The following DNAH9 variants were observed in gnomAD, a reference collection of about 807,000 sequenced individuals.
The protein encoded by DNAH9 is DNAH9 variant protein.
Under a neutral mutation model 471.6 loss-of-function variants are expected in DNAH9, and 345 were observed. The ratio of observed to expected loss-of-function variants is 0.73; its 90% confidence interval spans 0.67 to 0.80. The LOEUF is 0.80. DNAH9 is among the 30% of genes least tolerant of loss of function. The pLI is 0.00. For missense variants in DNAH9, 5,407 were observed against 5,609.2 expected, an observed-to-expected ratio of 0.96 and a Z score of 1.15; for synonymous variants, 2,093 against 2,123.6, an observed-to-expected ratio of 0.99 and a Z score of 0.40.
rs73980516 is a variant in DNAH9, at chr17:11,850,236, A to G, written c.9508-3767A>G. Among the ~76,000 whole-genome samples the G allele has an allele frequency of 6.0e-4, 92 of 152,276 alleles. 2 individuals carry two copies. Among genetic ancestry groups the G allele is most frequent in the African/African-American group, 2.2e-3 (90 of 41,558 alleles). ...GACGTCTGAGAAAAACTTGGAGAAGAACAAATGCATCGGGCAGATATTTGG... is the reference window on the plus strand; with the variant it reads ...GACGTCTGAGAAAAACTTGGAGAAGGACAAATGCATCGGGCAGATATTTGG... On this transcript the variant is annotated intron_variant, in intron 49 of 68. Transcript: ENST00000262442.
intron 1 of DNAH9, among the ~76,000 whole-genome samples, chr17:11,604,231 C>T (rs2072449608): frequency 6.6e-6 from 1 of 152,078 alleles, no homozygotes. Flanking sequence ...ACTCTGTTGG[C>T]CAGGCTGGTC....
chr17:11,687,383 G>A (rs558297961), intron 19 of DNAH9, among the ~76,000 whole-genome samples: 42 of 152,256 alleles, frequency 2.8e-4, no homozygotes, highest in Admixed American at 2.0e-3. Context: ...AGGCTTAAGT[G>A]GTAAGCATTC....
intron 66 of DNAH9, among the ~76,000 whole-genome samples, chr17:11,939,297 G>GCTGA (rs1284970350): frequency 6.6e-6 from 1 of 152,146 alleles, no homozygotes; most frequent in African/African-American, 2.4e-5. Context: ...ACTGGAAAAG[G>GCTGA]CTGAGACTGT....
chr17:11,899,326 C>A (rs1164022731), intron 59 of DNAH9, among the ~76,000 whole-genome samples: 3 of 151,860 alleles, frequency 2.0e-5, no homozygotes, highest in Non-Finnish European at 2.9e-5. Flanking sequence ...TTTTTTAGGT[C>A]CCATCAAATG....
intron 17 of DNAH9, among the ~76,000 whole-genome samples, chr17:11,676,275 C>CTTTTTTTTTTTTTTTTT (rs67397847): frequency 1.5e-4 from 11 of 73,882 alleles, no homozygotes; most frequent in Non-Finnish European, 2.3e-4. Context: ...CATTTCTGTT[C>CTTTTTTTTTTTTTTTTT]TTTTTTTTTT....
At chr17:11,746,780 G>A (rs145852361) in intron 31 of DNAH9, among the ~76,000 whole-genome samples, 2,756 of 152,266 alleles carry the variant, frequency 0.018, 46 homozygotes, top group Non-Finnish European at 0.025. Context: ...GTTTTTAAGG[G>A]AAATGATTTC....
Position 11,822,527 on chromosome 17 carries a change from G to C in DNAH9, c.8940G>C (p.Trp2980Cys). ...PAIVNCTAIH[W>C]FHEWPQQALE... ...TTGTGAACTGCACAGCCATCCACTG[G>C]TTCCACGAGTGGCCTCAGCAAGCAT... Residue 2980 changes from tryptophan (W) to cysteine (C), a missense_variant, in exon 47 of 69, where the codon TGG becomes TGC. By Grantham distance (215) the Trp-to-Cys change is radical (BLOSUM62 -2). Transcript: ENST00000262442. 3.7e-6 allele frequency: 6 copies of C among 1,614,148 alleles called. No individual in the cohort carries two copies. The highest frequency in any genetic ancestry group is 5.1e-6 in the Non-Finnish European group (6 of 1,180,040).
chr17:11,894,331 G>T, intron 58 of DNAH9, 43 bp from the exon 59 acceptor site: 1 of 1,606,034 alleles, frequency 6.2e-7, no homozygotes. Context: ...TAGGACTCTG[G>T]CTACAAGCTA....
At chr17:11,655,651 C>T (rs933329673) in intron 14 of DNAH9, among the ~76,000 whole-genome samples, 3 of 150,420 alleles carry the variant, frequency 2.0e-5, no homozygotes, top group Admixed American at 6.6e-5. Flanking sequence ...TACATAGACA[C>T]ACACACACAC....
intron 15 of DNAH9, among the ~76,000 whole-genome samples, chr17:11,667,576 A>G (rs1039520922): frequency 2.6e-5 from 4 of 152,192 alleles, no homozygotes; most frequent in Non-Finnish European, 2.9e-5. Context: ...TCCATCAACA[A>G]TATGGTTTGA....
Position 11,822,486 on chromosome 17 carries a change from A to G in DNAH9, c.8899A>G (p.Arg2967Gly). The G allele has an allele frequency of 6.2e-7, 1 of 1,614,194 alleles. No homozygotes were observed. The highest frequency in any genetic ancestry group is 1.3e-5 in the African/African-American group (1 of 75,042). ...PVGNKLRVRS[R>G]KFPAIVNCTA... is the part of the protein sequence containing the mutation. ...GGGAAACAAGCTAAGAGTCCGCAGC[A>G]GGAAGTTCCCAGCCATTGTGAACTG... Residue 2967 changes from arginine to glycine, a missense_variant, in exon 47 of 69, where the codon AGG becomes GGG. Around this residue, in one of 3 missense-constraint regions of DNAH9, gnomAD observed 4,636 missense variants for 4,900.3 expected, o/e 0.95. Transcript: ENST00000262442.
intron 1 of DNAH9, among the ~76,000 whole-genome samples, chr17:11,604,297 C>T (rs1409432063): frequency 6.6e-6 from 1 of 152,144 alleles, no homozygotes; most frequent in Non-Finnish European, 1.5e-5. Context: ...GTTGGGATTA[C>T]AGGTGTGAGC....
intron 49 of DNAH9, among the ~76,000 whole-genome samples, chr17:11,848,508 A>T (rs986525916): frequency 6.6e-6 from 1 of 151,806 alleles, no homozygotes; most frequent in African/African-American, 2.4e-5. Flanking sequence ...AATAATAATT[A>T]TTACTAATAA....
At chr17:11,715,603 A>G (rs1423145280) in intron 26 of DNAH9, among the ~76,000 whole-genome samples, 1 of 151,980 alleles carries the variant, frequency 6.6e-6, no homozygotes, top group Non-Finnish European at 1.5e-5. Flanking sequence ...ACCAAACTAA[A>G]TCAATCCATA....
Position 11,719,681 on chromosome 17 carries a change from A to G in DNAH9, c.5709+191A>G, listed in dbSNP as rs77912251. ...AACCCTGGAGTTTTTTGGCCTCCCT[A>G]TAAGGCTTTCATGTGATGAGGAAGC... On this transcript the variant is annotated intron_variant, in intron 27 of 68. Transcript: ENST00000262442. 9.9e-4 allele frequency among the ~76,000 whole-genome samples: 151 copies of G among 152,254 alleles called. 1 individual carries two copies. The East Asian group carries it at 0.022, about 22-fold the overall frequency.
At chr17:11,735,511 C>G (rs2075332470) in intron 28 of DNAH9, among the ~76,000 whole-genome samples, 1 of 152,140 alleles carries the variant, frequency 6.6e-6, no homozygotes, top group African/African-American at 2.4e-5. Context: ...TCTCGGCTCA[C>G]TGCCACCTCT....
chr17:11,636,494 A>G (rs545710652), intron 8 of DNAH9, 140 bp from the exon 9 acceptor site: 1 of 623,694 alleles, frequency 1.6e-6, no homozygotes, highest in East Asian at 2.7e-5. Context: ...GAATAATTAC[A>G]GGTCCAGCTC....
rs146275786 is a variant in DNAH9, at chr17:11,928,360, A to G, written c.11878-1506A>G. On this transcript the variant is annotated intron_variant, in intron 62 of 68. Coordinates refer to ENST00000262442, the MANE Select transcript of DNAH9 (RefSeq NM_001372.4). ...ACGTTATTGTTATTTCTCTTCTTAT[A>G]GAAGAGAAGGCAGCACTCAAAGACC... Among the ~76,000 whole-genome samples, 45 of 152,298 alleles carry G rather than the reference A, an allele frequency of 3.0e-4. No homozygotes were observed. The East Asian group carries it at 8.5e-3, about 29-fold the overall frequency.
At chr17:11,939,566 T>C (rs1319022014) in intron 66 of DNAH9, among the ~76,000 whole-genome samples, 1 of 152,218 alleles carries the variant, frequency 6.6e-6, no homozygotes, top group Non-Finnish European at 1.5e-5. Context: ...CACATGTTCC[T>C]ATGAGCTATC....
Sources: allele counts gnomAD v4.1 joint callset (sites outside exome capture counted in the v4.1 genomes callset), GRCh38; gene constraint gnomAD v4.1.1; regional missense constraint gnomAD v4.1.1; transcripts MANE v1.5; gene names NCBI Gene and HGNC (gene_info 2026-07-23, HGNC 2026-07-21).